Variants in SMARCAD1 observed in about 807,000 individuals in gnomAD.
The protein encoded by SMARCAD1 is SWI/SNF-related matrix-associated actin-dependent regulator of chromatin subfamily A containing DEAD/H box 1.
SMARCAD1 carries 25 observed loss-of-function variants against 127.1 expected under a neutral mutation model. The ratio of observed to expected loss-of-function variants is 0.20; its 90% CI spans 0.14 to 0.27. SMARCAD1 has a LOEUF of 0.27. Ranked by LOEUF, SMARCAD1 falls within the 10% of genes least tolerant of loss-of-function variation. The pLI, the probability that SMARCAD1 is intolerant of heterozygous loss-of-function variation, is 1.00. For synonymous variants in SMARCAD1, 400 were observed against 396.9 expected (o/e 1.01, Z -0.09); for missense variants, 807 against 1,206.0 (o/e 0.67, Z 4.90).
intron 2 of SMARCAD1, among the ~76,000 whole-genome samples, chr4:94,209,128 C>A (rs1383044251): frequency 6.6e-6 from 1 of 152,186 alleles, no homozygotes; most frequent in African/African-American, 2.4e-5. Flanking sequence ...TTAACCTCAT[C>A]AGCAGATTGT....
intron 4 of SMARCAD1, among the ~76,000 whole-genome samples, 167 bp from the exon 5 acceptor site, chr4:94,236,785 A>G (rs1478361798): frequency 6.6e-6 from 1 of 152,232 alleles, no homozygotes; most frequent in African/African-American, 2.4e-5. Context: ...CCTTTTACAT[A>G]AAACAGATTT....
At chr4:94,241,044 G>A (rs753699973) in intron 6 of SMARCAD1, 38 bp downstream of exon 6, 6 of 1,475,990 alleles carry the variant, frequency 4.1e-6, no homozygotes, top group Middle Eastern at 4.5e-4. Context: ...AAAATTGGCT[G>A]CTTAAGGTTA....
At chr4:94,274,636 A>G in intron 12 of SMARCAD1, 102 bp from the exon 13 acceptor site, 1 of 1,130,042 alleles carries the variant, frequency 8.8e-7, no homozygotes, top group Non-Finnish European at 1.3e-6. Context: ...TTTTTATAAA[A>G]GACTGATTTC....
Position 94,230,331 on chromosome 4 carries a change from A to G in SMARCAD1, c.369-3623A>G, listed in dbSNP as rs2941219. Among the ~76,000 whole-genome samples the G allele has an allele frequency of 3.3e-5, 5 of 151,580 alleles. No homozygotes were observed. The South Asian group carries it at 8.3e-4, about 25-fold the overall frequency. On this transcript the variant is annotated intron_variant, in intron 3 of 23. Coordinates refer to ENST00000354268, the MANE Select transcript of SMARCAD1 (RefSeq NM_020159.5). ...AAAAGATAGCATACTACATGTGTGT[A>G]TATTCATTTGTTCTTTTATTTACTT...
intron 23 of SMARCAD1, among the ~76,000 whole-genome samples, chr4:94,285,379 C>A (rs904671553): frequency 2.0e-5 from 3 of 151,990 alleles, no homozygotes; most frequent in Non-Finnish European, 4.4e-5. Flanking sequence ...CAAGTGTTAG[C>A]CTTTTGTTTT....
chr4:94,280,567 A>T, intron 19 of SMARCAD1, 25 bp from the exon 20 acceptor site: 1 of 1,539,416 alleles, frequency 6.5e-7, no homozygotes, highest in Non-Finnish European at 9.0e-7. Flanking sequence ...ATTTTGAAGT[A>T]TACTGTGTTT....
chr4:94,233,843 T>C (rs1746226843), intron 3 of SMARCAD1, 111 bp from the exon 4 acceptor site: 4 of 1,133,036 alleles, frequency 3.5e-6, no homozygotes, highest in Non-Finnish European at 5.1e-6. Flanking sequence ...TTGCATTTAC[T>C]ATTGAAAAGA....
At chr4:94,288,132 C>T (rs957008045) in intron 23 of SMARCAD1, among the ~76,000 whole-genome samples, 12 of 152,008 alleles carry the variant, frequency 7.9e-5, no homozygotes, top group African/African-American at 2.9e-4. Flanking sequence ...GTAAACATGG[C>T]AATTTATTTT....
At chr4:94,253,534 T>C in intron 9 of SMARCAD1, 1 of 1,115,148 alleles carries the variant, frequency 9.0e-7, no homozygotes, top group Non-Finnish European at 1.1e-6. Context: ...CAGCTCAGTC[T>C]CTAACATGTT....
rs1159041455 is a variant in SMARCAD1 at position 94,264,867 on chromosome 4, G to A, written c.1442G>A (p.Gly481Asp). The A allele has an allele frequency of 3.7e-6, 6 of 1,612,988 alleles. No homozygotes were observed. The highest frequency in any genetic ancestry group is 5.1e-6 in the Non-Finnish European group (6 of 1,179,236). The change falls in exon 10 of 24, where the codon GGT becomes GAT. Residue 481 changes from glycine (G) to aspartate (D), a missense_variant. Physicochemically the swap from Gly to Asp is moderately conservative, Grantham distance 94. Around this residue, in one of 8 missense-constraint regions of SMARCAD1, gnomAD observed 257 missense variants for 303.4 expected, o/e 0.85. Transcript: ENST00000354268. Reference sequence around the variant, plus strand: ...GTTACCATGCTTACTGGAAATGGAGGTGGATGGAACATAGAACAACCTTCC... The same window carrying A: ...GTTACCATGCTTACTGGAAATGGAGATGGATGGAACATAGAACAACCTTCC... Reference protein sequence around the residue: ...KQVTMLTGNGGGWNIEQPSIL... With the variant: ...KQVTMLTGNGDGWNIEQPSIL...
At chr4:94,283,047 T>C in intron 21 of SMARCAD1, 74 bp from the exon 22 acceptor site, 1 of 1,276,768 alleles carries the variant, frequency 7.8e-7, no homozygotes, top group East Asian at 2.4e-5. Flanking sequence ...TTTCATGTGA[T>C]AATGATTGTT....
At chr4:94,284,347 A>AG (rs1216922348) in intron 22 of SMARCAD1, among the ~76,000 whole-genome samples, 5 of 99,842 alleles carry the variant, frequency 5.0e-5, no homozygotes, top group Non-Finnish European at 1.2e-4. Flanking sequence ...AAAAAAAAAA[A>AG]AAAAAAGAAA....
intron 5 of SMARCAD1, 72 bp downstream of exon 5, chr4:94,237,090 T>A (rs1304967250): frequency 8.3e-7 from 1 of 1,201,046 alleles, no homozygotes; most frequent in Non-Finnish European, 1.2e-6. Context: ...CTCATTAATA[T>A]TGCTCCACAG....
At chr4:94,208,179 C>A (rs921002567) in intron 1 of SMARCAD1, 109 bp downstream of exon 1, 4 of 694,408 alleles carry the variant, frequency 5.8e-6, no homozygotes, top group Admixed American at 4.0e-5. Context: ...AAAGATACCC[C>A]CGTCCACCTT....
intron 2 of SMARCAD1, among the ~76,000 whole-genome samples, chr4:94,221,215 C>A (rs1320134522): frequency 1.3e-5 from 2 of 152,130 alleles, no homozygotes; most frequent in Non-Finnish European, 2.9e-5. Context: ...GTGATATTAA[C>A]AAAAGTAATT....
rs1560504655 is a variant in SMARCAD1, at chr4:94,208,520, G to A, written c.126G>A (p.Glu42=). 4 of 1,614,006 alleles carry A rather than the reference G, an allele frequency of 2.5e-6. No individual in the cohort carries two copies. The highest frequency in any genetic ancestry group is 1.7e-5 in the Admixed American group (1 of 59,982). ...CACCAATTTCTCTTAGTGCTGAAGA[G>A]GAGAATGCTGAAGGGGAAGTTAGCA... ...PSSPISLSAE[E]ENAEGEVSRA... is the part of the protein sequence containing the mutation. Residue 42 remains glutamate (E), a synonymous_variant, in exon 2 of 24, where the codon GAG becomes GAA. Coordinates refer to ENST00000354268, the MANE Select transcript of SMARCAD1 (RefSeq NM_020159.5).
intron 3 of SMARCAD1, among the ~76,000 whole-genome samples, chr4:94,233,696 C>G (rs538135092): frequency 5.9e-5 from 9 of 152,154 alleles, no homozygotes; most frequent in African/African-American, 2.2e-4. Flanking sequence ...AAAATAAATG[C>G]TAGGAAGTTC....
At chr4:94,221,941 A>C (rs555706882) in intron 2 of SMARCAD1, among the ~76,000 whole-genome samples, 9 of 152,348 alleles carry the variant, frequency 5.9e-5, no homozygotes, top group African/African-American at 1.9e-4. Flanking sequence ...GGGATCTGGC[A>C]ATGGGCAGCA....
In SMARCAD1 at chr4:94,289,581, G is replaced by T. The variant is rs79225572; in HGVS notation, c.*47G>T. 1 of 1,425,076 alleles carries T rather than the reference G, an allele frequency of 7.0e-7. No individual in the cohort carries two copies. Among genetic ancestry groups the T allele is most frequent in the Non-Finnish European group, 9.9e-7 (1 of 1,007,966 alleles). 88.3% of individuals were successfully genotyped at this position (1,425,076 alleles called of 1,614,324 possible). A position where few individuals can be genotyped will look rare whatever the true frequency, so the allele number is the denominator to read the frequency against. ...ATTGATGAGGAAATATCAACTTGGTGCACTCAAGGACATTTACATTATGAT... is the reference window on the plus strand; with the variant it reads ...ATTGATGAGGAAATATCAACTTGGTTCACTCAAGGACATTTACATTATGAT... On this transcript the variant is annotated 3_prime_UTR_variant, in exon 24 of 24. Transcript: ENST00000354268.
Sources: gnomAD v4.1 joint callset for allele counts (sites outside exome capture counted in the v4.1 genomes callset) on GRCh38, gnomAD v4.1.1 for gene constraint, gnomAD v4.1.1 regional missense constraint, MANE v1.5 for transcripts, NCBI Gene and HGNC (gene_info 2026-07-23, HGNC 2026-07-21) for gene names.